Variants in CD22 observed in about 807,000 individuals in gnomAD.
CD22 encodes the protein CD22 molecule.
A neutral mutation model predicts 94.7 loss-of-function variants in CD22; 51 were observed. The observed-to-expected ratio is 0.54, with a 90% CI of 0.43 to 0.68. CD22 has a LOEUF of 0.68. Among genes scored for constraint, CD22 ranks in the 30% least tolerant of loss-of-function variants. The pLI, the probability that CD22 is intolerant of heterozygous loss-of-function variation, is 0.00. For missense variants in CD22, 931 were observed against 1,060.4 expected, an observed-to-expected ratio of 0.88 and a Z score of 1.69; for synonymous variants, 424 against 422.5, an observed-to-expected ratio of 1.00 and a Z score of -0.04.
chr19:35,345,548 G>C, intron 11 of CD22, 54 bp from the exon 12 acceptor site: 3 of 1,124,024 alleles, frequency 2.7e-6, no homozygotes, highest in Non-Finnish European at 4.0e-6. Context: ...GCCAGGGAAG[G>C]GGACGAGGGT....
chr19:35,336,165 T>C lies in CD22; in HGVS notation c.542T>C (p.Val181Ala). The change falls in exon 4 of 14, where the codon GTT becomes GCT. Residue 181 changes from valine (V) to alanine (A), a missense_variant. Val to Ala is a moderately conservative substitution (Grantham distance 64). Coordinates refer to ENST00000085219, the MANE Select transcript of CD22 (RefSeq NM_001771.4). ...PIQLQWLLEGVPMRQAAVTST... is the reference protein window; with the variant it reads ...PIQLQWLLEGAPMRQAAVTST... ...CAATTGCAGTGGCTCCTAGAGGGGG[T>C]TCCAATGAGGCAGGCTGCTGTCACC... 6 of 1,613,758 alleles carry C rather than the reference T, an allele frequency of 3.7e-6. No homozygotes were observed. The highest frequency in any genetic ancestry group is 5.1e-6 in the Non-Finnish European group (6 of 1,179,952).
intron 9 of CD22, among the ~76,000 whole-genome samples, chr19:35,342,288 G>A (rs1424595975): frequency 6.6e-6 from 1 of 151,940 alleles, no homozygotes; most frequent in Non-Finnish European, 1.5e-5. Flanking sequence ...TTTCGCCTCA[G>A]CCTCCTGAGT....
chr19:35,338,488 G>C, intron 6 of CD22, 57 bp downstream of exon 6: 1 of 1,558,700 alleles, frequency 6.4e-7, no homozygotes, highest in Non-Finnish European at 8.7e-7. Flanking sequence ...AGGGAACGGG[G>C]AAGGCAGATG....
In CD22 at chr19:35,346,801, C is replaced by CAGG; in HGVS notation, c.*105_*106insGGA. 1.1e-5 allele frequency: 7 copies of CAGG among 623,834 alleles called. No homozygotes were observed. The highest frequency in any genetic ancestry group is 2.6e-5 in the South Asian group (1 of 39,048). The allele number at this position is 623,834 out of a possible 1,614,324, so 38.6% of individuals were successfully genotyped here. On this transcript the variant is annotated 3_prime_UTR_variant, in exon 14 of 14. Transcript: ENST00000085219. ...TGGCTTCCTCCTGCGCGCATGTGCG[C>CAGG]ACACACACACACACACGCACACACA...
At chr19:35,346,062 G>A (rs1413840389) in intron 12 of CD22, 89 bp from the exon 13 acceptor site, 3 of 967,878 alleles carry the variant, frequency 3.1e-6, no homozygotes, top group East Asian at 2.4e-5. Flanking sequence ...GCTGAGGTTG[G>A]GGTGCTGTTG....
chr19:35,336,279 G>T lies in CD22; in HGVS notation c.656G>T (p.Cys219Phe). The T allele has an allele frequency of 1.2e-6, 2 of 1,614,188 alleles. No individual in the cohort carries two copies. The highest frequency in any genetic ancestry group is 1.7e-6 in the Non-Finnish European group (2 of 1,180,008). ...QWSHHGKIVT[C>F]QLQDADGKFL... ...AGTCACCATGGGAAGATTGTGACCTGCCAGCTTCAGGATGCAGATGGGAAG... is the reference window on the plus strand; with the variant it reads ...AGTCACCATGGGAAGATTGTGACCTTCCAGCTTCAGGATGCAGATGGGAAG... Residue 219 changes from cysteine (C) to phenylalanine (F), a missense_variant, in exon 4 of 14, where the codon TGC (cysteine) becomes TTC (phenylalanine). Transcript: ENST00000085219.
rs1254890318 is a variant in CD22 at position 35,338,424 on chromosome 19, T to C, written c.1242T>C (p.Asp414=). 1 of 1,612,246 alleles carries C rather than the reference T, an allele frequency of 6.2e-7. No individual in the cohort carries two copies. Among genetic ancestry groups the C allele is most frequent in the Admixed American group, 1.7e-5 (1 of 59,952 alleles). The change falls in exon 6 of 14, where the codon GAT becomes GAC. Residue 414 remains aspartate (D), a synonymous_variant. Coordinates refer to ENST00000085219, the MANE Select transcript of CD22 (RefSeq NM_001771.4). The stretch of plus-strand genomic sequence containing the variant: ...AGAGGGGCCCGGGAGCTGAGCTGGA[T>C]GTCCAGTGTGAGTAGCCACGGAGCC... ...TGQRGPGAEL[D]VQYPPKKVTT... is the part of the protein sequence containing the mutation.
chr19:35,331,790 T>A (rs900422069), intron 1 of CD22: 2 of 705,704 alleles, frequency 2.8e-6, no homozygotes, highest in Non-Finnish European at 4.2e-6. Flanking sequence ...GAGGTTGCAG[T>A]GAGCGGAGAT....
Position 35,332,419 on chromosome 19 carries a change from T to A in CD22, c.35-128T>A, listed in dbSNP as rs2066657828. On this transcript the variant is annotated intron_variant, in intron 2 of 13. Transcript: ENST00000085219. ...TTGAGGTCAGGAGTTCAAGGCCAGC[T>A]TGGACAACATAGCAAGACCCCTATC... 1.1e-5 allele frequency: 11 copies of A among 1,037,220 alleles called. No homozygotes were observed. In the South Asian group the frequency reaches 2.0e-4, roughly 18 times the overall value. 64.3% of individuals were successfully genotyped at this position (1,037,220 alleles called of 1,614,324 possible).
intron 13 of CD22, 108 bp downstream of exon 13, chr19:35,346,343 G>A (rs985901596): frequency 1.1e-5 from 13 of 1,133,088 alleles, no homozygotes; most frequent in African/African-American, 1.5e-5. Context: ...AGGCATCCGT[G>A]GTGGCAGAGG....
chr19:35,340,397 C>T (rs572345179), intron 6 of CD22, among the ~76,000 whole-genome samples: 5 of 152,194 alleles, frequency 3.3e-5, no homozygotes, highest in Non-Finnish European at 7.3e-5. Flanking sequence ...ATTCTCTTGC[C>T]TCGACCACCT....
At position 35,334,831 on chromosome 19, in the gene CD22, AACTTTG is replaced by A. The variant is rs1466451652; in HGVS notation, c.413-1204_413-1199del. Among the ~76,000 whole-genome samples the A allele has an allele frequency of 2.0e-5, 3 of 151,810 alleles. No homozygotes were observed. The East Asian group carries it at 5.8e-4, about 29-fold the overall frequency. On this transcript the variant is annotated intron_variant, in intron 3 of 13. Transcript: ENST00000085219. ...CGGTGGCTCACGCCTGTAATCCCAG[AACTTTG>A]GGAGGCCGAGGCAGGCGGATCACAA... is the stretch of plus-strand genomic sequence containing the variant.
chr19:35,337,111 C>T lies in CD22; in HGVS notation c.719-644C>T, dbSNP rs370314788. Among the ~76,000 whole-genome samples the T allele has an allele frequency of 7.0e-4, 107 of 152,152 alleles. No homozygotes were observed. Among genetic ancestry groups the T allele is most frequent in the African/African-American group, 9.4e-4 (39 of 41,512 alleles). On this transcript the variant is annotated intron_variant, in intron 4 of 13. Coordinates refer to ENST00000085219, the MANE Select transcript of CD22 (RefSeq NM_001771.4). The surrounding 1 kb of genome is among the most constrained non-coding windows in gnomAD (Gnocchi z 4.4). ...AAAATTAGCCAGGCATGATGGCAGG[C>T]GCCTGTAGTCCCAGCTACTTGGGAG...
intron 9 of CD22, among the ~76,000 whole-genome samples, chr19:35,344,198 T>G (rs1017994254): frequency 5.6e-5 from 2 of 35,778 alleles, no homozygotes; most frequent in Non-Finnish European, 1.2e-4. Context: ...TCTGTCTCAA[T>G]CAATCAATCA....
chr19:35,346,448 G>A (rs1238216231), intron 13 of CD22, 118 bp from the exon 14 acceptor site: 16 of 1,398,700 alleles, frequency 1.1e-5, no homozygotes, highest in South Asian at 3.8e-5. Context: ...TTCCTGACAC[G>A]AGGACACCCG....
At chr19:35,336,389 T>C (rs754539014) in intron 4 of CD22, 48 bp downstream of exon 4, 6 of 1,574,710 alleles carry the variant, frequency 3.8e-6, no homozygotes, top group Non-Finnish European at 4.3e-6. Context: ...CTGTGTCACC[T>C]TCTCCCCAGC....
At chr19:35,336,989 T>G (rs2066734291) in intron 4 of CD22, among the ~76,000 whole-genome samples, 1 of 151,980 alleles carries the variant, frequency 6.6e-6, no homozygotes, top group Non-Finnish European at 1.5e-5. Flanking sequence ...CCTGTAATCC[T>G]AGCACTTTGG....
chr19:35,342,496 C>T (rs565956270), intron 9 of CD22, among the ~76,000 whole-genome samples: 1 of 152,190 alleles, frequency 6.6e-6, no homozygotes, highest in African/African-American at 2.4e-5. Flanking sequence ...CCTCTCTGGC[C>T]CTGTCTCCTC....
chr19:35,340,956 G>C lies in CD22; in HGVS notation c.1325G>C (p.Cys442Ser). The change falls in exon 7 of 14, where the codon TGT becomes TCT. Residue 442 changes from cysteine (C) to serine (S), a missense_variant. By Grantham distance (112) the Cys-to-Ser change is moderately radical. Coordinates refer to ENST00000085219, the MANE Select transcript of CD22 (RefSeq NM_001771.4). ...IREGDTVTLS[C>S]NYNSSNPSVT... ...GAAGGAGACACAGTGACCCTTTCCT[G>C]TAACTACAATTCCAGTAACCCCAGT... 2 of 1,614,202 alleles carry C rather than the reference G, an allele frequency of 1.2e-6. No individual in the cohort carries two copies. Among genetic ancestry groups the C allele is most frequent in the Non-Finnish European group, 1.7e-6 (2 of 1,180,034 alleles).
Sources: gnomAD v4.1 joint callset for allele counts (sites outside exome capture counted in the v4.1 genomes callset) on GRCh38, gnomAD v4.1.1 for gene constraint, Gnocchi (gnomAD v3.1) non-coding constraint, MANE v1.5 for transcripts, NCBI Gene and HGNC (gene_info 2026-07-23, HGNC 2026-07-21) for gene names.